The following ARHGEF7 variants were observed in gnomAD, a reference collection of about 807,000 sequenced individuals.
ARHGEF7 encodes the protein PAK-interacting exchange factor beta.
Under a neutral mutation model 109.8 loss-of-function variants are expected in ARHGEF7, and 33 were observed. That is an observed-to-expected ratio of 0.30 (90% CI 0.23 to 0.40). The LOEUF is 0.40. Among genes scored for constraint, ARHGEF7 ranks in the 10% least tolerant of loss-of-function variants. The probability of loss-of-function intolerance (pLI) is 1.00; values close to 1 mark genes in which losing one functional copy is unlikely to be tolerated. For synonymous variants in ARHGEF7, 458 were observed against 424.6 expected, an observed-to-expected ratio of 1.08 and a Z score of -0.97; for missense variants, 938 against 1,098.5, an observed-to-expected ratio of 0.85 and a Z score of 2.07.
chr13:111,235,835 G>C (rs1290943434), intron 6 of ARHGEF7, among the ~76,000 whole-genome samples: 1 of 152,194 alleles, frequency 6.6e-6, no homozygotes, highest in Non-Finnish European at 1.5e-5. Context: ...AAAACTATAA[G>C]GTCTGGGTGT....
At chr13:111,175,220 G>C (rs1389249098) in intron 2 of ARHGEF7, among the ~76,000 whole-genome samples, 1 of 152,232 alleles carries the variant, frequency 6.6e-6, no homozygotes, top group South Asian at 2.1e-4. Context: ...GAGGGCCCCT[G>C]TGGGTCCCAC....
At position 111,305,112 on chromosome 13, in the gene ARHGEF7, TCACAAGAATA is replaced by T. The variant is rs1404442767; in HGVS notation, c.*2001_*2010del. 1 of 152,240 alleles carries T rather than the reference TCACAAGAATA, an allele frequency of 6.6e-6. No homozygotes were observed. 9.4% of individuals were successfully genotyped at this position (152,240 alleles called of 1,614,324 possible). On this transcript the variant is annotated 3_prime_UTR_variant, in exon 22 of 22. Coordinates refer to ENST00000646102, the MANE Select transcript of ARHGEF7 (RefSeq NM_001354046.2). ...GCCTTAATGCTCAGATCGAAGTATT[TCACAAGAATA>T]CTTGTGTTTTTAACAGCCCTTCCCC...
At chr13:111,276,845 C>T (rs1020145017) in intron 12 of ARHGEF7, among the ~76,000 whole-genome samples, 5 of 152,086 alleles carry the variant, frequency 3.3e-5, no homozygotes, top group African/African-American at 7.2e-5. Context: ...TTTTTTGGGC[C>T]GTAGTTTAAA....
rs1278844548 is a variant in ARHGEF7 at position 111,221,417 on chromosome 13, CTATATATCTATATATAGATA to C, written c.670+3554_670+3573del. The stretch of plus-strand genomic sequence containing the variant: ...TCTATATATCTATATATATAGATGT[CTATATATCTATATATAGATA>C]TATATATCTATATATATAGATATAT... On this transcript the variant is annotated intron_variant, in intron 5 of 21. Transcript: ENST00000646102. Among the ~76,000 whole-genome samples the C allele has an allele frequency of 4.4e-3, 11 of 2,488 alleles. 4 individuals carry two copies. The highest frequency in any genetic ancestry group is 0.024 in the Admixed American group (2 of 84). The allele number at this position is 2,488 out of a possible 152,430, so 1.6% of individuals were successfully genotyped here. A position where few individuals can be genotyped will look rare whatever the true frequency, so the allele number is the denominator to read the frequency against.
rs1284955220 is a variant in ARHGEF7, at chr13:111,283,148, C to T, written c.1735C>T (p.His579Tyr). 3.2e-6 allele frequency: 5 copies of T among 1,587,056 alleles called. No individual in the cohort carries two copies. Among genetic ancestry groups the T allele is most frequent in the Non-Finnish European group, 4.3e-6 (5 of 1,167,042 alleles). ...TCTGTGCCCTTGGCAGCTCCCCTCC[C>T]ACCCGGTCACTCCGTCCAGCAAGCA... ...HSVPSHTLPS[H>Y]PVTPSSKHAD... Residue 579 changes from histidine to tyrosine, a missense_variant, in exon 16 of 22, where the codon CAC becomes TAC. This residue lies in a region of ARHGEF7 where 585 missense variants were observed against 723.6 expected (regional missense o/e 0.81). Transcript: ENST00000646102.
At chr13:111,181,773 G>A (rs1056885593) in intron 2 of ARHGEF7, among the ~76,000 whole-genome samples, 1 of 152,184 alleles carries the variant, frequency 6.6e-6, no homozygotes. Context: ...CAGCTGTCAT[G>A]GGGTTGGGAC....
At chr13:111,277,542 T>C in intron 12 of ARHGEF7, 45 bp from the exon 13 acceptor site, 1 of 1,193,220 alleles carries the variant, frequency 8.4e-7, no homozygotes, top group East Asian at 2.3e-5. Context: ...ATTTGTTAAG[T>C]AGATGTTTTT....
At chr13:111,206,830 C>T (rs111541069) in intron 3 of ARHGEF7, among the ~76,000 whole-genome samples, 15,419 of 151,552 alleles carry the variant, frequency 0.1, 1,032 homozygotes, top group Middle Eastern at 0.16. Context: ...GGCGTGGTGG[C>T]GGGCACCTGT....
At chr13:111,153,537 A>C (rs918748467) in intron 1 of ARHGEF7, 1 of 801,078 alleles carries the variant, frequency 1.2e-6, no homozygotes, top group Non-Finnish European at 1.6e-6. Context: ...GGGCCAGAGG[A>C]GGTGGCAGCT....
At chr13:111,294,546 A>T (rs1164573924) in intron 19 of ARHGEF7, 1 of 985,474 alleles carries the variant, frequency 1.0e-6, no homozygotes, top group African/African-American at 1.7e-5. Context: ...TGATGCTAAG[A>T]TCACTGCAGA....
At chr13:111,227,622 T>C (rs1327282498) in intron 5 of ARHGEF7, among the ~76,000 whole-genome samples, 1 of 152,268 alleles carries the variant, frequency 6.6e-6, no homozygotes, top group African/African-American at 2.4e-5. Context: ...TGTGACTCAC[T>C]GTATTGCCAT....
chr13:111,215,389 T>G (rs1247573073), intron 4 of ARHGEF7, among the ~76,000 whole-genome samples: 1 of 151,510 alleles, frequency 6.6e-6, no homozygotes, highest in Non-Finnish European at 1.5e-5. Flanking sequence ...TTGTTTTTCC[T>G]TAATTTGGGG....
At position 111,272,868 on chromosome 13, in the gene ARHGEF7, G is replaced by T. The variant is rs990537312; in HGVS notation, c.1074-946G>T. ...GGGTGTTGCGGTCAGGTGACTGTCA[G>T]CCTTAACAAACGTGTGGGTGAAGAG... On this transcript the variant is annotated intron_variant, in intron 9 of 21. Transcript: ENST00000646102. This position sits in a 1 kb window ranked among gnomAD's most constrained non-coding sequence, Gnocchi z 5.2. Among the ~76,000 whole-genome samples the T allele has an allele frequency of 6.6e-6, 1 of 152,124 alleles. No individual in the cohort carries two copies. Among genetic ancestry groups the T allele is most frequent in the Non-Finnish European group, 1.5e-5 (1 of 68,036 alleles).
chr13:111,204,093 G>T (rs1252867859), intron 2 of ARHGEF7, among the ~76,000 whole-genome samples: 1 of 152,152 alleles, frequency 6.6e-6, no homozygotes, highest in Non-Finnish European at 1.5e-5. Context: ...GGTGTGGTGG[G>T]GGCAGCCAGG....
intron 2 of ARHGEF7, chr13:111,185,285 T>G (rs901217439): frequency 6.6e-6 from 1 of 152,472 alleles, no homozygotes; most frequent in African/African-American, 2.4e-5. Context: ...GGGGCTCCCT[T>G]ACAAGTGCTG....
chr13:111,132,806 C>A (rs1419487823), intron 1 of ARHGEF7, among the ~76,000 whole-genome samples: 1 of 152,018 alleles, frequency 6.6e-6, no homozygotes, highest in Non-Finnish European at 1.5e-5. Flanking sequence ...GTAAACTCAC[C>A]ACTTACTTTT....
In ARHGEF7 at chr13:111,183,036, T is replaced by G. The variant is rs753752975; in HGVS notation, c.253-22253T>G. ...TTGTGTAGGTTAGGTGTATCAAATG[T>G]ATTTTCAACTTCACGATGTTTTTCA... On this transcript the variant is annotated intron_variant, in intron 2 of 21. Coordinates refer to ENST00000646102, the MANE Select transcript of ARHGEF7 (RefSeq NM_001354046.2). Among the ~76,000 whole-genome samples the G allele has an allele frequency of 2.0e-5, 3 of 152,196 alleles. No individual in the cohort carries two copies. In the East Asian group the frequency reaches 5.8e-4, roughly 29 times the overall value.
intron 18 of ARHGEF7, among the ~76,000 whole-genome samples, chr13:111,289,795 C>CT (rs5806894): frequency 0.67 from 101,456 of 151,248 alleles, 34,220 homozygotes; most frequent in South Asian, 0.83. Flanking sequence ...CCAGAAGCTT[C>CT]TTTTTTTTTA....
chr13:111,252,388 T>TAACC (rs2089891970), intron 8 of ARHGEF7, among the ~76,000 whole-genome samples: 1 of 152,208 alleles, frequency 6.6e-6, no homozygotes, highest in Non-Finnish European at 1.5e-5. Flanking sequence ...GGCAGTGAGG[T>TAACC]AACCTGATTT....
Sources: gnomAD v4.1 joint callset for allele counts (sites outside exome capture counted in the v4.1 genomes callset) on GRCh38, gnomAD v4.1.1 for gene constraint, gnomAD v4.1.1 regional missense constraint, Gnocchi (gnomAD v3.1) non-coding constraint, MANE v1.5 for transcripts, NCBI Gene and HGNC (gene_info 2026-07-23, HGNC 2026-07-21) for gene names.